The following TRPM1 variants were observed in gnomAD, a reference collection of about 807,000 sequenced individuals.
TRPM1 encodes the protein TRPM1-203 APA Isoform, Intron 10.
Under a neutral mutation model 149.4 loss-of-function variants are expected in TRPM1, and 113 were observed. The ratio of observed to expected loss-of-function variants is 0.76; its 90% CI spans 0.65 to 0.88. The LOEUF (loss-of-function observed/expected upper bound fraction) is 0.88, where lower values mean the gene tolerates loss of function less well. TRPM1 is among the 40% of genes least tolerant of loss of function. The pLI, the probability that TRPM1 is intolerant of heterozygous loss-of-function variation, is 0.00. For synonymous variants in TRPM1, 741 were observed against 759.5 expected (o/e 0.98, Z 0.40); for missense variants, 1,976 against 2,038.7 (o/e 0.97, Z 0.59).
intron 1 of TRPM1, among the ~76,000 whole-genome samples, chr15:31,088,945 G>C (rs968744264): frequency 2.0e-5 from 3 of 152,140 alleles, no homozygotes; most frequent in Admixed American, 2.0e-4. Flanking sequence ...AGCTGCTGGC[G>C]CCTCTGTGAG....
intron 1 of TRPM1, among the ~76,000 whole-genome samples, chr15:31,117,186 C>G (rs1215615815): frequency 6.6e-6 from 1 of 152,054 alleles, no homozygotes; most frequent in Non-Finnish European, 1.5e-5. Context: ...CCCATCTCTA[C>G]TAAAAATACA....
chr15:31,148,733 C>T (rs992328822), intron 1 of TRPM1, among the ~76,000 whole-genome samples: 1 of 152,128 alleles, frequency 6.6e-6, no homozygotes, highest in African/African-American at 2.4e-5. Flanking sequence ...CACCTTACCC[C>T]CTAGCAAATG....
intron 1 of TRPM1, among the ~76,000 whole-genome samples, chr15:31,088,384 A>AT (rs2035065896): frequency 6.6e-6 from 1 of 152,170 alleles, no homozygotes; most frequent in Non-Finnish European, 1.5e-5. Flanking sequence ...TTGGCAATAA[A>AT]TGTTATTGCT....
intron 1 of TRPM1, among the ~76,000 whole-genome samples, chr15:31,090,679 A>G (rs181968920): frequency 1.3e-5 from 2 of 152,156 alleles, no homozygotes; most frequent in East Asian, 1.9e-4. Flanking sequence ...CACCCTGGAA[A>G]AAATCTTCCC....
intron 11 of TRPM1, among the ~76,000 whole-genome samples, chr15:31,057,962 G>A (rs1037512549): frequency 2.6e-5 from 4 of 152,066 alleles, no homozygotes; most frequent in East Asian, 3.8e-4. Context: ...TTTGTCCTCC[G>A]CCATGATTGT....
chr15:31,093,891 C>T (rs4509983), intron 1 of TRPM1, among the ~76,000 whole-genome samples: 3 of 152,026 alleles, frequency 2.0e-5, no homozygotes, highest in South Asian at 2.1e-4. Context: ...ACATGATCCC[C>T]GCACATGGCC....
At chr15:31,069,256 C>T (rs748500025) in intron 4 of TRPM1, 1 of 243,164 alleles carries the variant, frequency 4.1e-6, no homozygotes, top group Non-Finnish European at 6.6e-6. Context: ...CGATCATGGG[C>T]CCACCCATGA....
At chr15:31,035,786 T>G in intron 20 of TRPM1, 112 bp from the exon 21 acceptor site, 1 of 1,489,124 alleles carries the variant, frequency 6.7e-7, no homozygotes, top group Admixed American at 1.8e-5. Flanking sequence ...TGTTTCCAAC[T>G]GGACTGACTC....
chr15:31,027,241 T>C, intron 25 of TRPM1, 124 bp from the exon 26 acceptor site: 2 of 831,178 alleles, frequency 2.4e-6, no homozygotes, highest in Non-Finnish European at 3.8e-6. Flanking sequence ...TGCCCTTTAG[T>C]ACTGATTCCT....
chr15:31,158,224 C>T (rs1258940053), intron 1 of TRPM1, among the ~76,000 whole-genome samples: 1 of 152,166 alleles, frequency 6.6e-6, no homozygotes, highest in Admixed American at 6.5e-5. Flanking sequence ...GCATGCACCA[C>T]TGTTACAGGA....
At chr15:31,074,343 A>T (rs537131519) in intron 3 of TRPM1, among the ~76,000 whole-genome samples, 1 of 152,198 alleles carries the variant, frequency 6.6e-6, no homozygotes, top group South Asian at 2.1e-4. Context: ...TTCTTTGGAC[A>T]GTTTTTTTAT....
At chr15:31,012,489 A>G (rs2032220789) in intron 27 of TRPM1, among the ~76,000 whole-genome samples, 1 of 152,174 alleles carries the variant, frequency 6.6e-6, no homozygotes, top group Non-Finnish European at 1.5e-5. Context: ...TTTTTAATCT[A>G]ATTAAGCATC....
intron 1 of TRPM1, among the ~76,000 whole-genome samples, chr15:31,094,299 G>A (rs913058437): frequency 1.3e-5 from 2 of 152,188 alleles, no homozygotes; most frequent in Admixed American, 6.5e-5. Flanking sequence ...CTTCATGATC[G>A]ATGGATTTAT....
intron 26 of TRPM1, among the ~76,000 whole-genome samples, chr15:31,026,714 C>T (rs1301021133): frequency 6.6e-6 from 1 of 152,088 alleles, no homozygotes; most frequent in Non-Finnish European, 1.5e-5. Flanking sequence ...AGCTGGCTTT[C>T]CTAATATTAA....
chr15:31,034,163 A>G (rs1198207926), intron 21 of TRPM1, among the ~76,000 whole-genome samples: 3 of 152,200 alleles, frequency 2.0e-5, no homozygotes. Context: ...TAGTGAATTA[A>G]AACTTCTGAA....
rs1267879015 is a variant in TRPM1 at position 31,042,066 on chromosome 15, C to A, written c.1972G>T (p.Glu658Ter). Reference protein sequence around the residue: ...KMAVFLWQRGEESMAKALVAC... With the variant: ...KMAVFLWQRG Reference sequence around the variant, plus strand: ...ACCAGGGCCTTGGCCATGCTCTCTTCCCCTCGCTGCCAGAGGAACACTGCC... The same window carrying A: ...ACCAGGGCCTTGGCCATGCTCTCTTACCCTCGCTGCCAGAGGAACACTGCC... Residue 658 changes from glutamate (E) to a stop codon, truncating the protein, a stop_gained, in exon 17 of 28, where the codon GAA (glutamate) becomes TAA (stop). Coordinates refer to ENST00000256552, the MANE Select transcript of TRPM1 (RefSeq NM_001252024.2). LOFTEE classifies it high-confidence loss of function. 6.2e-7 allele frequency: 1 copy of A among 1,614,062 alleles called. No individual in the cohort carries two copies. Among genetic ancestry groups the A allele is most frequent in the Non-Finnish European group, 8.5e-7 (1 of 1,179,996 alleles).
intron 1 of TRPM1, among the ~76,000 whole-genome samples, chr15:31,142,988 C>T (rs1050128269): frequency 3.9e-5 from 6 of 152,148 alleles, no homozygotes; most frequent in Non-Finnish European, 1.5e-5. Context: ...ACCAAATTTT[C>T]CTGTCAATTG....
Position 31,034,793 on chromosome 15 carries a change from C to T in TRPM1, c.2700+753G>A, listed in dbSNP as rs558204543. Among the ~76,000 whole-genome samples, 246 of 152,336 alleles carry T rather than the reference C, an allele frequency of 1.6e-3. 2 individuals are homozygous for T. Among genetic ancestry groups the T allele is most frequent in the African/African-American group, 5.6e-3 (234 of 41,586 alleles). ...CTAAGCCAAAATTTGTGCCCAGTTG[C>T]GGTAATTGGTTTATCTCAGGTCGCT... On this transcript the variant is annotated intron_variant, in intron 21 of 27. Coordinates refer to ENST00000256552, the MANE Select transcript of TRPM1 (RefSeq NM_001252024.2).
chr15:31,082,833 G>A (rs1274750833), intron 1 of TRPM1, among the ~76,000 whole-genome samples: 1 of 152,234 alleles, frequency 6.6e-6, no homozygotes, highest in Non-Finnish European at 1.5e-5. Context: ...GGGGGCCGAG[G>A]AAGTGTAGAC....
Sources: allele counts gnomAD v4.1 joint callset (sites outside exome capture counted in the v4.1 genomes callset), GRCh38; gene constraint gnomAD v4.1.1; transcripts MANE v1.5; gene names NCBI Gene and HGNC (gene_info 2026-07-23, HGNC 2026-07-21).